The following NUBPL variants were observed in gnomAD, a reference collection of about 807,000 sequenced individuals.
NUBPL encodes iron-sulfur cluster transfer protein NUBPL.
A neutral mutation model predicts 45.7 loss-of-function variants in NUBPL; 31 were observed. The ratio of observed to expected loss-of-function variants is 0.68; its 90% CI spans 0.51 to 0.92. The LOEUF (loss-of-function observed/expected upper bound fraction) is 0.92, where lower values mean the gene tolerates loss of function less well. Ranked by LOEUF, NUBPL falls within the 40% of genes least tolerant of loss-of-function variation. NUBPL has a pLI of 0.00. For synonymous variants in NUBPL, 144 were observed against 140.9 expected, an observed-to-expected ratio of 1.02 and a Z score of -0.15; for missense variants, 401 against 398.7, an observed-to-expected ratio of 1.01 and a Z score of -0.05.
Position 31,846,542 on chromosome 14 carries a change from T to G in NUBPL, c.765T>G (p.Gly255=). The G allele has an allele frequency of 6.2e-7, 1 of 1,613,562 alleles. No homozygotes were observed. Among genetic ancestry groups the G allele is most frequent in the Non-Finnish European group, 8.5e-7 (1 of 1,179,760 alleles). The change falls in exon 9 of 11, where the codon GGT becomes GGG. Residue 255 remains glycine (G), a synonymous_variant. Coordinates refer to ENST00000281081, the MANE Select transcript of NUBPL (RefSeq NM_025152.3). ...GTAAACACAAAACTCATATTTTTGG[T>G]GCTGATGGTGCAAGGAAACTAGCAC... is the stretch of plus-strand genomic sequence containing the variant. The part of the protein sequence containing the change: ...PKCKHKTHIF[G]ADGARKLAQT...
At chr14:31,728,423 T>G (rs987626453) in intron 6 of NUBPL, among the ~76,000 whole-genome samples, 1 of 152,144 alleles carries the variant, frequency 6.6e-6, no homozygotes, top group African/African-American at 2.4e-5. Flanking sequence ...CGTGAGCTAC[T>G]GCACCTGGCC....
chr14:31,752,452 G>A (rs2038552978), intron 6 of NUBPL, among the ~76,000 whole-genome samples: 1 of 152,204 alleles, frequency 6.6e-6, no homozygotes, highest in South Asian at 2.1e-4. Flanking sequence ...TGAGGCAGAG[G>A]CAAAATGCTA....
chr14:31,584,765 C>T (rs998787444), intron 3 of NUBPL, among the ~76,000 whole-genome samples: 6 of 152,172 alleles, frequency 3.9e-5, no homozygotes, highest in African/African-American at 7.2e-5. Flanking sequence ...ACTTGTTTCT[C>T]ACAGTTCTGG....
intron 3 of NUBPL, among the ~76,000 whole-genome samples, chr14:31,566,716 A>G (rs929136244): frequency 6.6e-6 from 1 of 152,044 alleles, no homozygotes; most frequent in African/African-American, 2.4e-5. Flanking sequence ...AGATGGGAAG[A>G]TTATCCTGGA....
At chr14:31,759,169 C>T (rs913335488) in intron 6 of NUBPL, among the ~76,000 whole-genome samples, 4 of 151,788 alleles carry the variant, frequency 2.6e-5, no homozygotes, top group African/African-American at 9.7e-5. Context: ...AGTTTTTATT[C>T]TGAGAAGATT....
At chr14:31,652,906 TAAAG>T (rs1189206987) in intron 4 of NUBPL, among the ~76,000 whole-genome samples, 4 of 151,920 alleles carry the variant, frequency 2.6e-5, no homozygotes, top group African/African-American at 9.7e-5. Flanking sequence ...GTCTGAGAAA[TAAAG>T]AGAAAGAGTA....
intron 6 of NUBPL, among the ~76,000 whole-genome samples, chr14:31,681,457 T>C (rs1385094545): frequency 6.8e-6 from 1 of 147,448 alleles, no homozygotes; most frequent in Non-Finnish European, 1.5e-5. Flanking sequence ...TCTTGCCAGA[T>C]GTTTATAAAC....
intron 4 of NUBPL, among the ~76,000 whole-genome samples, chr14:31,631,017 C>G (rs1036339416): frequency 6.6e-6 from 1 of 152,070 alleles, no homozygotes; most frequent in Non-Finnish European, 1.5e-5. Flanking sequence ...CTCTCATTTT[C>G]TTTTCTCAAC....
At chr14:31,838,293 A>AAAG (rs1566591675) in intron 8 of NUBPL, among the ~76,000 whole-genome samples, 1 of 143,710 alleles carries the variant, frequency 7.0e-6, no homozygotes, top group African/African-American at 2.5e-5. Context: ...AAAAAAAAAA[A>AAAG]AAAAAAGAGA....
At chr14:31,585,032 T>C (rs1234230458) in intron 3 of NUBPL, among the ~76,000 whole-genome samples, 1 of 152,178 alleles carries the variant, frequency 6.6e-6, no homozygotes, top group Non-Finnish European at 1.5e-5. Flanking sequence ...ATACGAATTT[T>C]AGGGGACACA....
chr14:31,630,448 T>A (rs533252309), intron 4 of NUBPL, among the ~76,000 whole-genome samples: 1 of 152,348 alleles, frequency 6.6e-6, no homozygotes, highest in African/African-American at 2.4e-5. Context: ...ATGCCATTAG[T>A]TGGTGACCTA....
At chr14:31,688,592 G>GAAA (rs544662104) in intron 6 of NUBPL, among the ~76,000 whole-genome samples, 49 of 75,702 alleles carry the variant, frequency 6.5e-4, no homozygotes, top group African/African-American at 1.9e-3. Flanking sequence ...AGAAAAAAAA[G>GAAA]AAAAAAAAAA....
intron 4 of NUBPL, among the ~76,000 whole-genome samples, chr14:31,649,464 A>C (rs1047435208): frequency 6.6e-6 from 1 of 152,254 alleles, no homozygotes; most frequent in African/African-American, 2.4e-5. Flanking sequence ...AAAATGTGAA[A>C]GTAATTGTTT....
At chr14:31,787,333 T>C (rs1595626560) in intron 6 of NUBPL, among the ~76,000 whole-genome samples, 1 of 152,180 alleles carries the variant, frequency 6.6e-6, no homozygotes, top group East Asian at 1.9e-4. Context: ...TTTTTTATTA[T>C]TAAGTTTTGG....
intron 4 of NUBPL, among the ~76,000 whole-genome samples, chr14:31,651,890 C>T (rs559327696): frequency 7.1e-6 from 1 of 141,574 alleles, no homozygotes; most frequent in East Asian, 2.0e-4. Flanking sequence ...CAGAGCGAGA[C>T]TCTGTCTCAA....
chr14:31,712,246 G>A (rs1217940432), intron 6 of NUBPL, among the ~76,000 whole-genome samples: 1 of 152,212 alleles, frequency 6.6e-6, no homozygotes, highest in Non-Finnish European at 1.5e-5. Flanking sequence ...GCTGATTGGT[G>A]CATTTACAAA....
chr14:31,669,780 C>A (rs2036525652), intron 4 of NUBPL, among the ~76,000 whole-genome samples: 1 of 136,082 alleles, frequency 7.3e-6, no homozygotes, highest in Non-Finnish European at 1.5e-5. Context: ...CATCTTCCTG[C>A]AAAAGACATG....
At chr14:31,810,339 T>G (rs1445175391) in intron 7 of NUBPL, among the ~76,000 whole-genome samples, 1 of 152,206 alleles carries the variant, frequency 6.6e-6, no homozygotes, top group Non-Finnish European at 1.5e-5. Context: ...AGGTAGCTCT[T>G]CTTGTTGAAT....
At chr14:31,756,673 C>T (rs920426680) in intron 6 of NUBPL, among the ~76,000 whole-genome samples, 1 of 148,496 alleles carries the variant, frequency 6.7e-6, no homozygotes, top group Admixed American at 6.8e-5. Flanking sequence ...TCCTCTTTTC[C>T]TAATTGAATA....
Sources: gnomAD v4.1 joint callset for allele counts (sites outside exome capture counted in the v4.1 genomes callset) on GRCh38, gnomAD v4.1.1 for gene constraint, MANE v1.5 for transcripts, NCBI Gene and HGNC (gene_info 2026-07-23, HGNC 2026-07-21) for gene names.